ASMTL: variants seen among roughly 807,000 people sequenced by gnomAD.
The protein encoded by ASMTL is acetylserotonin O-methyltransferase like, also known as probable bifunctional dTTP/UTP pyrophosphatase/methyltransferase protein.
In ASMTL, 57 loss-of-function variants were observed where a neutral mutation model predicts 60.3. The observed-to-expected ratio is 0.95, with a 90% CI of 0.76 to 1.18. ASMTL has a LOEUF of 1.18. ASMTL is among the 50% of genes most tolerant of loss of function. The pLI is 0.00. For synonymous variants in ASMTL, 419 were observed against 373.0 expected (o/e 1.12, Z -1.42); for missense variants, 981 against 852.6 (o/e 1.15, Z -1.88).
At chrX:1,410,641 T>A (rs1454388068) in intron 12 of ASMTL, among the ~76,000 whole-genome samples, 3 of 152,024 alleles carry the variant, frequency 2.0e-5, no homozygotes, top group African/African-American at 7.2e-5. Flanking sequence ...CTCGAACTCC[T>A]GACCTCGAGA....
chrX:1,412,059 C>T lies in ASMTL; in HGVS notation c.1645+673G>A, dbSNP rs1466706661. Among the ~76,000 whole-genome samples, 5 of 151,786 alleles carry T rather than the reference C, an allele frequency of 3.3e-5. No individual in the cohort carries two copies. The East Asian group carries it at 5.8e-4, about 18-fold the overall frequency. ...CTCAAACCCCCGACCTCAGGTGATC[C>T]GCCCGCCTCGGCCTCCCGAAGTGCG... On this transcript the variant is annotated intron_variant, in intron 12 of 12. Coordinates refer to ENST00000381317, the MANE Select transcript of ASMTL (RefSeq NM_004192.4).
chrX:1,436,332 C>G (rs1383790351), intron 3 of ASMTL, among the ~76,000 whole-genome samples: 1 of 151,820 alleles, frequency 6.6e-6, no homozygotes, highest in Non-Finnish European at 1.5e-5. Flanking sequence ...CACCACCATG[C>G]CTGGCTAATT....
At chrX:1,406,907 C>T (rs748984724) in intron 12 of ASMTL, among the ~76,000 whole-genome samples, 5 of 113,714 alleles carry the variant, frequency 4.4e-5, no homozygotes, top group Admixed American at 3.6e-4. Context: ...ATGATGGGTA[C>T]ATAGATAGAT....
Position 1,427,800 on chromosome X carries a change from A to T in ASMTL, c.831T>A (p.Thr277=), listed in dbSNP as rs1350441040. Reference sequence around the variant, plus strand: ...TCGGGAACGGAGGCAGGGTCTCCCGAGTCCTGTGACACTCAGCCTCTGCCG... The same window carrying T: ...TCGGGAACGGAGGCAGGGTCTCCCGTGTCCTGTGACACTCAGCCTCTGCCG... ...QATAEAECHR[T]RETLPPFPTR... Residue 277 remains threonine (T), a synonymous_variant, in exon 7 of 13, where the codon ACT becomes ACA. Coordinates refer to ENST00000381317, the MANE Select transcript of ASMTL (RefSeq NM_004192.4). 17 of 1,612,684 alleles carry T rather than the reference A, an allele frequency of 1.1e-5. No homozygotes were observed. Among genetic ancestry groups the T allele is most frequent in the Non-Finnish European group, 1.4e-5 (16 of 1,179,810 alleles).
chrX:1,446,787 C>T (rs2091239892), intron 1 of ASMTL, among the ~76,000 whole-genome samples: 4 of 152,268 alleles, frequency 2.6e-5, no homozygotes, highest in Middle Eastern at 6.8e-3. Flanking sequence ...GCATGAGCCA[C>T]CATGCCCAGC....
chrX:1,421,120 C>T (rs2090474190), intron 9 of ASMTL, among the ~76,000 whole-genome samples: 1 of 151,942 alleles, frequency 6.6e-6, no homozygotes, highest in South Asian at 2.1e-4. Context: ...CCATCATCCC[C>T]AGCTAATTTT....
intron 11 of ASMTL, among the ~76,000 whole-genome samples, chrX:1,415,521 A>G (rs1330178071): frequency 6.8e-6 from 1 of 146,604 alleles, no homozygotes; most frequent in African/African-American, 2.5e-5. Flanking sequence ...GCTGGAGTGC[A>G]GTGGTGAGAT....
chrX:1,449,251 G>C (rs1331581299), intron 1 of ASMTL, among the ~76,000 whole-genome samples: 1 of 151,692 alleles, frequency 6.6e-6, no homozygotes, highest in Non-Finnish European at 1.5e-5. Flanking sequence ...TTCTTTTTTC[G>C]TCTTTCTTCC....
Position 1,427,964 on chromosome X carries a change from T to C in ASMTL, c.667A>G (p.Ser223Gly). 1 of 1,613,508 alleles carries C rather than the reference T, an allele frequency of 6.2e-7. No homozygotes were observed. Among genetic ancestry groups the C allele is most frequent in the Non-Finnish European group, 8.5e-7 (1 of 1,179,832 alleles). Residue 223 changes from serine (S) to glycine (G), a missense_variant, in exon 7 of 13, where the codon AGT (serine) becomes GGT (glycine). Ser to Gly is a moderately conservative substitution (Grantham distance 56). Transcript: ENST00000381317. The part of the protein sequence containing the change: ...YPPRPEDLRR[S>G]VKHDSIPAAD... ...GCCGGGATGGAGTCGTGCTTGACAC[T>C]CCGCCGCAGGTCCTCCGGACGGGGC... is the stretch of plus-strand genomic sequence containing the variant.
At chrX:1,429,829 T>C (rs2090719687) in intron 6 of ASMTL, among the ~76,000 whole-genome samples, 1 of 151,788 alleles carries the variant, frequency 6.6e-6, no homozygotes, top group African/African-American at 2.4e-5. Flanking sequence ...TGGGATGTTT[T>C]GATATATGTA....
intron 9 of ASMTL, among the ~76,000 whole-genome samples, chrX:1,420,172 T>TCTCCGC (rs1355744676): frequency 6.6e-6 from 1 of 151,918 alleles, no homozygotes; most frequent in Non-Finnish European, 1.5e-5. Flanking sequence ...CCTATCTCTG[T>TCTCCGC]CTCCGCCTCC....
intron 11 of ASMTL, chrX:1,413,684 C>T (rs1380827148): frequency 6.6e-6 from 1 of 152,240 alleles, no homozygotes; most frequent in Non-Finnish European, 1.5e-5. Flanking sequence ...CTATGGATGT[C>T]ATTGAGTAAA....
At chrX:1,419,517 A>C (rs1279182853) in intron 9 of ASMTL, among the ~76,000 whole-genome samples, 1 of 151,998 alleles carries the variant, frequency 6.6e-6, no homozygotes, top group African/African-American at 2.4e-5. Flanking sequence ...CCTTCACCAC[A>C]ATGGTGCGGT....
chrX:1,430,963 AT>A (rs1195206534), intron 6 of ASMTL, among the ~76,000 whole-genome samples: 1 of 140,998 alleles, frequency 7.1e-6, no homozygotes, highest in African/African-American at 2.6e-5. Flanking sequence ...CATATATTTA[AT>A]TAATATATAA....
chrX:1,438,712 C>T (rs2091036182), intron 3 of ASMTL, among the ~76,000 whole-genome samples: 1 of 152,164 alleles, frequency 6.6e-6, no homozygotes, highest in Non-Finnish European at 1.5e-5. Flanking sequence ...TTATCTGTTA[C>T]TATGTGTTAT....
At chrX:1,413,380 G>A (rs1215053612) in intron 11 of ASMTL, among the ~76,000 whole-genome samples, 2 of 152,190 alleles carry the variant, frequency 1.3e-5, no homozygotes, top group African/African-American at 2.4e-5. Context: ...GGAATTCAGG[G>A]GCAGCACCTG....
Position 1,403,378 on chromosome X carries a change from C to G in ASMTL, c.1757G>C (p.Ser586Thr), listed in dbSNP as rs185265454. Residue 586 changes from serine to threonine, a missense_variant, in exon 13 of 13, where the codon AGC (serine) becomes ACC (threonine). Ser to Thr is a moderately conservative substitution (Grantham distance 58). Coordinates refer to ENST00000381317, the MANE Select transcript of ASMTL (RefSeq NM_004192.4). ...CAGCAAGCACTGATACTCGCCCAGG[C>G]TCCGCTCCTTGCCTTCAGTCTGCAC... Reference protein sequence around the residue: ...MLVQTEGKERSLGEYQCLLEL... With the variant: ...MLVQTEGKERTLGEYQCLLEL... 1,303 of 1,613,472 alleles carry G rather than the reference C, an allele frequency of 8.1e-4. 10 individuals are homozygous for G. The African/African-American group carries it at 0.015, about 19-fold the overall frequency.
chrX:1,421,649 T>C lies in ASMTL; in HGVS notation c.1245+9A>G. On this transcript the variant is annotated intron_variant, in intron 9 of 12. Transcript: ENST00000381317. ...AGACGGAAAGGTGTCCGCGGGGGTG[T>C]TATGCTACCTGGAACAGATCTTCCG... 6.2e-7 allele frequency: 1 copy of C among 1,613,838 alleles called. No homozygotes were observed. The highest frequency in any genetic ancestry group is 1.1e-5 in the South Asian group (1 of 91,064).
At chrX:1,432,417 C>T in intron 5 of ASMTL, 40 bp from the exon 6 acceptor site, 1 of 1,512,422 alleles carries the variant, frequency 6.6e-7, no homozygotes, top group Non-Finnish European at 9.1e-7. Flanking sequence ...TGGACGCCAG[C>T]TTGTCACCTC....
Sources: allele counts gnomAD v4.1 joint callset (sites outside exome capture counted in the v4.1 genomes callset), GRCh38; gene constraint gnomAD v4.1.1; transcripts MANE v1.5; gene names NCBI Gene and HGNC (gene_info 2026-07-23, HGNC 2026-07-21).